The following RAPGEF4 variants were observed in gnomAD, a reference collection of about 807,000 sequenced individuals.
The protein encoded by RAPGEF4 is RAP guanine-nucleotide-exchange factor (GEF) 4.
RAPGEF4 carries 66 observed loss-of-function variants against 147.9 expected under a neutral mutation model. The observed-to-expected ratio is 0.45, with a 90% CI of 0.37 to 0.55. The LOEUF is 0.55. Ranked by LOEUF, RAPGEF4 falls within the 20% of genes least tolerant of loss-of-function variation. RAPGEF4 has a pLI of 0.00. For synonymous variants in RAPGEF4, 419 were observed against 442.7 expected (o/e 0.95, Z 0.67); for missense variants, 1,071 against 1,257.3 (o/e 0.85, Z 2.24).
At chr2:173,050,591 G>A (rs1686069890) in intron 30 of RAPGEF4, among the ~76,000 whole-genome samples, 2 of 152,156 alleles carry the variant, frequency 1.3e-5, no homozygotes, top group Non-Finnish European at 2.9e-5. Flanking sequence ...CACTCCGGGT[G>A]TCCCCTTAGA....
intron 1 of RAPGEF4, among the ~76,000 whole-genome samples, chr2:172,771,070 A>G (rs1683519848): frequency 6.6e-6 from 1 of 152,004 alleles, no homozygotes. Flanking sequence ...ATTTATAAAT[A>G]ATAAATTATT....
At chr2:172,916,279 CA>C (rs1482819121) in intron 4 of RAPGEF4, among the ~76,000 whole-genome samples, 1 of 152,160 alleles carries the variant, frequency 6.6e-6, no homozygotes, top group East Asian at 1.9e-4. Context: ...TATTTCTAAG[CA>C]AAGTGAAATG....
In RAPGEF4 at chr2:172,801,519, G is replaced by A. The variant is rs867827819; in HGVS notation, c.297+3906G>A. Among the ~76,000 whole-genome samples the A allele has an allele frequency of 9.9e-5, 15 of 152,266 alleles. No homozygotes were observed. The South Asian group carries it at 1.9e-3, about 19-fold the overall frequency. On this transcript the variant is annotated intron_variant, in intron 3 of 30. Transcript: ENST00000397081. ...GAGCGGGAGTGGCTGCTGGCAATGG[G>A]CGCCTATGACAGGAGGCTATGTGCC...
In RAPGEF4 at chr2:173,001,339, G is replaced by T. The variant is rs1194913440; in HGVS notation, c.1653G>T (p.Val551=). ...ATACCCAGCTTTGCCCGGCACTGGT[G>T]GCCCAATATCCTTTTATTGTGATTG... is the stretch of plus-strand genomic sequence containing the variant. ...MPNTQLCPAL[V]AHYHAQPSQG... is the part of the protein sequence containing the mutation. The change falls in exon 17 of 31, where the codon GTG becomes GTT. Residue 551 remains valine, a synonymous_variant. Transcript: ENST00000397081. 6.2e-7 allele frequency: 1 copy of T among 1,613,956 alleles called. No individual in the cohort carries two copies. Among genetic ancestry groups the T allele is most frequent in the Non-Finnish European group, 8.5e-7 (1 of 1,179,944 alleles).
chr2:172,871,111 C>A (rs1034864464), intron 4 of RAPGEF4, among the ~76,000 whole-genome samples: 2 of 152,144 alleles, frequency 1.3e-5, no homozygotes, highest in African/African-American at 4.8e-5. Context: ...GAGGCAGTTT[C>A]TTCTCCTCAT....
At chr2:172,845,630 G>T (rs1692096218) in intron 4 of RAPGEF4, among the ~76,000 whole-genome samples, 1 of 152,166 alleles carries the variant, frequency 6.6e-6, no homozygotes, top group Non-Finnish European at 1.5e-5. Context: ...ATGTGAAAAT[G>T]TTCCTGAAGC....
Position 172,995,785 on chromosome 2 carries a change from A to G in RAPGEF4, c.1491-681A>G, listed in dbSNP as rs140859959. Among the ~76,000 whole-genome samples the G allele has an allele frequency of 2.3e-3, 346 of 152,352 alleles. 1 individual carries two copies. Among genetic ancestry groups the G allele is most frequent in the Middle Eastern group, 6.8e-3 (2 of 294 alleles). On this transcript the variant is annotated intron_variant, in intron 15 of 30. Transcript: ENST00000397081. ...CTGTGTTAATTGAAGAACACCATGG[A>G]AAGATCTTCTGAAATAATGTCTAAT... is the stretch of plus-strand genomic sequence containing the variant.
chr2:172,834,691 A>G (rs1037514892), intron 4 of RAPGEF4, among the ~76,000 whole-genome samples: 9 of 152,202 alleles, frequency 5.9e-5, no homozygotes, highest in Non-Finnish European at 1.2e-4. Context: ...ATATTCCAAA[A>G]TCTGAAAAAA....
At chr2:172,735,827 G>T, upstream of RAPGEF4, 1 of 455,620 alleles carries the variant, frequency 2.2e-6, no homozygotes, top group Non-Finnish European at 3.2e-6. Flanking sequence ...CCAGGCCGCG[G>T]GAGCCCGCGG....
At chr2:172,973,067 C>T (rs1200983894) in intron 10 of RAPGEF4, among the ~76,000 whole-genome samples, 2 of 148,918 alleles carry the variant, frequency 1.3e-5, no homozygotes, top group Non-Finnish European at 1.5e-5. Context: ...AGTTTGTGAT[C>T]GTTGGATGTT....
chr2:172,968,105 G>A (rs1690052530), intron 10 of RAPGEF4, among the ~76,000 whole-genome samples: 1 of 152,164 alleles, frequency 6.6e-6, no homozygotes, highest in Non-Finnish European at 1.5e-5. Flanking sequence ...CCCGTTTGAT[G>A]CAGGGCACTC....
At chr2:172,881,516 A>G (rs1388234565) in intron 4 of RAPGEF4, among the ~76,000 whole-genome samples, 3 of 152,230 alleles carry the variant, frequency 2.0e-5, no homozygotes, top group Non-Finnish European at 4.4e-5. Context: ...ACATAATGCC[A>G]TGGACTGAGC....
intron 2 of RAPGEF4, among the ~76,000 whole-genome samples, chr2:172,796,289 C>G (rs1686355159): frequency 6.6e-6 from 1 of 151,996 alleles, no homozygotes; most frequent in South Asian, 2.1e-4. Flanking sequence ...CAGTTTCTAC[C>G]ATTAATATTT....
intron 4 of RAPGEF4, among the ~76,000 whole-genome samples, chr2:172,833,550 A>G (rs1279808491): frequency 6.6e-6 from 1 of 152,120 alleles, no homozygotes; most frequent in Non-Finnish European, 1.5e-5. Context: ...CATCTTTTAA[A>G]TATTTCTTGG....
At chr2:172,781,122 T>C (rs1684640975) in intron 1 of RAPGEF4, among the ~76,000 whole-genome samples, 1 of 152,200 alleles carries the variant, frequency 6.6e-6, no homozygotes, top group Admixed American at 6.5e-5. Flanking sequence ...TAAATAAAAG[T>C]TATTTAACAA....
chr2:172,848,313 C>T lies in RAPGEF4; in HGVS notation c.444+33888C>T, dbSNP rs551582566. On this transcript the variant is annotated intron_variant, in intron 4 of 30. Transcript: ENST00000397081. ...TCTTCCCCCGCCAGCCCCTTCTTGACGCTTTGCCTGTTAATTCACACTAGA... is the reference window on the plus strand; with the variant it reads ...TCTTCCCCCGCCAGCCCCTTCTTGATGCTTTGCCTGTTAATTCACACTAGA... Among the ~76,000 whole-genome samples, 19 of 152,222 alleles carry T rather than the reference C, an allele frequency of 1.2e-4. 1 individual carries two copies. The South Asian group carries it at 2.3e-3, about 18-fold the overall frequency.
Position 172,852,342 on chromosome 2 carries a change from A to G in RAPGEF4, c.444+37917A>G, listed in dbSNP as rs554244334. ...GGCTTCTTAAGCTAATGAATTGTCAATTTTGATGAATTGTCAATAAGTTGA... is the reference window on the plus strand; with the variant it reads ...GGCTTCTTAAGCTAATGAATTGTCAGTTTTGATGAATTGTCAATAAGTTGA... On this transcript the variant is annotated intron_variant, in intron 4 of 30. Coordinates refer to ENST00000397081, the MANE Select transcript of RAPGEF4 (RefSeq NM_007023.4). Among the ~76,000 whole-genome samples the G allele has an allele frequency of 4.6e-5, 7 of 152,274 alleles. No individual in the cohort carries two copies. The South Asian group carries it at 6.2e-4, about 14-fold the overall frequency.
intron 4 of RAPGEF4, among the ~76,000 whole-genome samples, chr2:172,891,476 C>T (rs555413138): frequency 6.6e-6 from 1 of 152,260 alleles, no homozygotes; most frequent in South Asian, 2.1e-4. Context: ...TGGCCCTTTT[C>T]CTCTGTCATG....
At chr2:172,803,483 A>G (rs1249640090) in intron 3 of RAPGEF4, among the ~76,000 whole-genome samples, 1 of 152,164 alleles carries the variant, frequency 6.6e-6, no homozygotes, top group Non-Finnish European at 1.5e-5. Context: ...TAGGCTGCAC[A>G]TAGCACCAGT....
Sources: allele counts gnomAD v4.1 joint callset (sites outside exome capture counted in the v4.1 genomes callset), GRCh38; gene constraint gnomAD v4.1.1; transcripts MANE v1.5; gene names NCBI Gene and HGNC (gene_info 2026-07-23, HGNC 2026-07-21).